NIM1K: variants seen among roughly 807,000 people sequenced by gnomAD.
NIM1K encodes the protein NIM1 serine/threonine protein kinase, also known as serine/threonine-protein kinase NIM1.
Under a neutral mutation model 37.1 loss-of-function variants are expected in NIM1K, and 35 were observed. The observed-to-expected ratio is 0.94, with a 90% CI of 0.72 to 1.25. The LOEUF is 1.25. Among genes scored for constraint, NIM1K ranks in the 50% most tolerant of loss-of-function variants. The pLI is 0.00. For missense variants in NIM1K, 564 were observed against 548.0 expected, an observed-to-expected ratio of 1.03 and a Z score of -0.29; for synonymous variants, 234 against 206.6, an observed-to-expected ratio of 1.13 and a Z score of -1.14.
intron 1 of NIM1K, among the ~76,000 whole-genome samples, chr5:43,216,414 T>A (rs895474982): frequency 5.3e-5 from 8 of 152,216 alleles, no homozygotes; most frequent in African/African-American, 1.9e-4. Context: ...AGATGCAGGA[T>A]GTGCATTTAA....
chr5:43,213,148 ATTTTCTTTCTTTCTTTTTTTCTTT>A (rs1561074578), intron 1 of NIM1K, among the ~76,000 whole-genome samples: 2 of 141,612 alleles, frequency 1.4e-5, no homozygotes, highest in African/African-American at 5.3e-5. Context: ...AAAAATCTCC[ATTTTCTTTCTTTCTTTTTTTCTTT>A]CTTTCTTTCT....
chr5:43,213,267 CTTTTT>C (rs1752242485), intron 1 of NIM1K, among the ~76,000 whole-genome samples: 1 of 132,970 alleles, frequency 7.5e-6, no homozygotes, highest in Admixed American at 7.9e-5. Flanking sequence ...TTTCTTGTTT[CTTTTT>C]CTTTCTTGTT....
intron 3 of NIM1K, among the ~76,000 whole-genome samples, chr5:43,279,036 G>A (rs886296589): frequency 6.6e-6 from 1 of 152,202 alleles, no homozygotes; most frequent in African/African-American, 2.4e-5. Flanking sequence ...GAACAGAAGA[G>A]AATCCAGCAA....
intron 2 of NIM1K, among the ~76,000 whole-genome samples, chr5:43,247,766 A>G (rs1752806388): frequency 6.6e-6 from 1 of 152,236 alleles, no homozygotes; most frequent in Non-Finnish European, 1.5e-5. Context: ...GTTGCCACAA[A>G]TGGGTAATCT....
At chr5:43,274,181 AC>A (rs775545868) in intron 2 of NIM1K, among the ~76,000 whole-genome samples, 4 of 152,102 alleles carry the variant, frequency 2.6e-5, no homozygotes, top group Non-Finnish European at 5.9e-5. Context: ...CTCCTGCCAC[AC>A]TCTAGACCTG....
Position 43,280,208 on chromosome 5 carries a change from A to G in NIM1K, c.790A>G (p.Met264Val), listed in dbSNP as rs1410486047. 3 of 1,614,158 alleles carry G rather than the reference A, an allele frequency of 1.9e-6. No homozygotes were observed. The highest frequency in any genetic ancestry group is 2.5e-6 in the Non-Finnish European group (3 of 1,180,032). The stretch of plus-strand genomic sequence containing the variant: ...GGCCTTGGGGGTGCTTTTGTACTTC[A>G]TGGTGACTGGCACCATGCCATTTCG... The part of the protein sequence containing the change: ...IWALGVLLYF[M>V]VTGTMPFRAE... Residue 264 changes from methionine to valine, a missense_variant, in exon 4 of 4, where the codon ATG becomes GTG. Physicochemically the swap from Met to Val is conservative, Grantham distance 21 (BLOSUM62 1). Coordinates refer to ENST00000326035, the MANE Select transcript of NIM1K (RefSeq NM_153361.4).
At chr5:43,209,931 A>G (rs1208538720) in intron 1 of NIM1K, among the ~76,000 whole-genome samples, 2 of 152,100 alleles carry the variant, frequency 1.3e-5, no homozygotes, top group Non-Finnish European at 2.9e-5. Flanking sequence ...TACCTTTAAA[A>G]ACATCTGAAC....
intron 1 of NIM1K, among the ~76,000 whole-genome samples, chr5:43,228,426 C>A (rs28425551): frequency 1.4e-4 from 22 of 152,186 alleles, no homozygotes; most frequent in Admixed American, 1.2e-3. Flanking sequence ...GATTACAGGC[C>A]TGAGCCACCG....
chr5:43,193,446 G>A (rs1186544973), intron 1 of NIM1K: 1 of 141,876 alleles, frequency 7.0e-6, no homozygotes, highest in African/African-American at 2.7e-5. Flanking sequence ...AGGGCTCTCT[G>A]TCTACCCCCC....
intron 2 of NIM1K, among the ~76,000 whole-genome samples, chr5:43,272,910 A>G (rs1161408654): frequency 3.9e-5 from 6 of 152,084 alleles, no homozygotes; most frequent in Non-Finnish European, 2.9e-5. Flanking sequence ...AGGATTCACC[A>G]TCCCCACTAA....
chr5:43,252,574 G>GA (rs34096759), intron 2 of NIM1K, among the ~76,000 whole-genome samples: 3 of 144,630 alleles, frequency 2.1e-5, no homozygotes, highest in African/African-American at 5.1e-5. Flanking sequence ...CTAAAAAATT[G>GA]AAAAAAAAAA....
At chr5:43,230,901 G>A (rs1315629991) in intron 1 of NIM1K, among the ~76,000 whole-genome samples, 2 of 152,222 alleles carry the variant, frequency 1.3e-5, no homozygotes, top group Non-Finnish European at 2.9e-5. Context: ...TATGCACATG[G>A]TCTGTCCTGA....
intron 1 of NIM1K, among the ~76,000 whole-genome samples, chr5:43,210,885 T>C (rs1176281569): frequency 2.0e-5 from 3 of 152,162 alleles, no homozygotes; most frequent in African/African-American, 4.8e-5. Flanking sequence ...GAATGGGGAC[T>C]TGGAGCTGGG....
chr5:43,267,976 A>G (rs549823200), intron 2 of NIM1K, among the ~76,000 whole-genome samples: 4 of 152,198 alleles, frequency 2.6e-5, no homozygotes, highest in Admixed American at 6.5e-5. Context: ...CTTGTTTTAG[A>G]GTATTGTTTA....
At chr5:43,254,254 G>C (rs1263836675) in intron 2 of NIM1K, among the ~76,000 whole-genome samples, 9 of 152,196 alleles carry the variant, frequency 5.9e-5, no homozygotes, top group Admixed American at 5.9e-4. Flanking sequence ...ATGACTCCCA[G>C]TTTCCAGTTT....
At chr5:43,246,434 G>A (rs944443636) in intron 2 of NIM1K, among the ~76,000 whole-genome samples, 8 of 151,302 alleles carry the variant, frequency 5.3e-5, no homozygotes, top group Non-Finnish European at 7.4e-5. Context: ...GGAGTGGAGC[G>A]TGGCTTGGAA....
Position 43,203,837 on chromosome 5 carries a change from C to T in NIM1K, c.-695+11426C>T, listed in dbSNP as rs547220630. On this transcript the variant is annotated intron_variant, in intron 1 of 3. Coordinates refer to ENST00000326035, the MANE Select transcript of NIM1K (RefSeq NM_153361.4). ...GGTCAGGAGTTCAAGACCAGCCTGG[C>T]CAACATGGTGAAACCCCGTCTCTAC... 3.0e-4 allele frequency among the ~76,000 whole-genome samples: 45 copies of T among 151,894 alleles called. No homozygotes were observed. In the East Asian group the frequency reaches 4.1e-3, roughly 14 times the overall value.
chr5:43,240,132 G>A (rs1342634267), intron 1 of NIM1K: 1 of 151,816 alleles, frequency 6.6e-6, no homozygotes, highest in African/African-American at 2.4e-5. Flanking sequence ...GAAGTGCAGT[G>A]GGGTGATCTT....
chr5:43,261,265 AG>A lies in NIM1K; in HGVS notation c.292+15199del, dbSNP rs959878862. On this transcript the variant is annotated intron_variant, in intron 2 of 3. Transcript: ENST00000326035. ...GTTCCTATTTATCCACATCCTCTCT[AG>A]CACCTGTTGTTTCCTGACTTTTTAA... 9.2e-5 allele frequency among the ~76,000 whole-genome samples: 14 copies of A among 152,168 alleles called. 1 individual carries two copies. The highest frequency in any genetic ancestry group is 2.6e-4 in the Admixed American group (4 of 15,282).
Sources: allele counts gnomAD v4.1 joint callset (sites outside exome capture counted in the v4.1 genomes callset), GRCh38; gene constraint gnomAD v4.1.1; transcripts MANE v1.5; gene names NCBI Gene and HGNC (gene_info 2026-07-23, HGNC 2026-07-21).